BICC1: variants seen among roughly 807,000 people sequenced by gnomAD.
The protein encoded by BICC1 is BicC family RNA binding protein 1.
Under a neutral mutation model 111.0 loss-of-function variants are expected in BICC1, and 43 were observed. The ratio of observed to expected loss-of-function variants is 0.39; its 90% CI spans 0.30 to 0.50. BICC1 has a LOEUF of 0.50. Ranked by LOEUF, BICC1 falls within the 20% of genes least tolerant of loss-of-function variation. The probability of loss-of-function intolerance (pLI) is 0.88; values close to 1 mark genes in which losing one functional copy is unlikely to be tolerated. For missense variants in BICC1, 1,091 were observed against 1,203.2 expected, an observed-to-expected ratio of 0.91 and a Z score of 1.38; for synonymous variants, 467 against 434.4, an observed-to-expected ratio of 1.07 and a Z score of -0.93.
intron 11 of BICC1, 32 bp from the exon 12 acceptor site, chr10:58,799,024 C>T (rs1843449909): frequency 2.1e-6 from 3 of 1,416,938 alleles, no homozygotes; most frequent in South Asian, 1.5e-5. Flanking sequence ...GAGTTTCTTC[C>T]TAATATCTGT....
intron 2 of BICC1, among the ~76,000 whole-genome samples, chr10:58,659,654 C>T (rs72802431): frequency 0.04 from 6,084 of 152,084 alleles, 184 homozygotes; most frequent in Middle Eastern, 0.078. Flanking sequence ...ACACGGAACG[C>T]GCATGACACA....
At chr10:58,600,737 A>C (rs1033575197) in intron 1 of BICC1, among the ~76,000 whole-genome samples, 5 of 152,246 alleles carry the variant, frequency 3.3e-5, no homozygotes, top group African/African-American at 1.2e-4. Context: ...TGTGCAGGTA[A>C]TGAGGATGAA....
At chr10:58,789,998 C>T (rs1294605207) in intron 8 of BICC1, 65 bp downstream of exon 8, 1 of 1,547,152 alleles carries the variant, frequency 6.5e-7, no homozygotes, top group Non-Finnish European at 8.8e-7. Context: ...CATGTTTTTC[C>T]ATCCACTGTA....
intron 10 of BICC1, among the ~76,000 whole-genome samples, chr10:58,796,942 G>C (rs1025065263): frequency 2.6e-5 from 4 of 152,022 alleles, no homozygotes; most frequent in African/African-American, 9.7e-5. Context: ...GGGTGGGGAG[G>C]GGGGTGAAAA....
intron 3 of BICC1, among the ~76,000 whole-genome samples, chr10:58,738,301 C>G (rs1348380506): frequency 6.6e-6 from 1 of 151,084 alleles, no homozygotes; most frequent in African/African-American, 2.4e-5. Flanking sequence ...TCAGCTTTCT[C>G]CATAAGGCTA....
intron 3 of BICC1, among the ~76,000 whole-genome samples, chr10:58,755,680 CTTT>C (rs763759443): frequency 6.6e-6 from 1 of 151,576 alleles, no homozygotes; most frequent in Non-Finnish European, 1.5e-5. Flanking sequence ...TTTTTTTCTC[CTTT>C]TTATTTTTTT....
Position 58,753,689 on chromosome 10 carries a change from G to GACAC in BICC1, c.308-31298_308-31295dup, listed in dbSNP as rs150164617. Among the ~76,000 whole-genome samples the GACAC allele has an allele frequency of 2.6e-3, 386 of 150,164 alleles. 5 individuals are homozygous for GACAC. Among genetic ancestry groups the GACAC allele is most frequent in the African/African-American group, 8.7e-3 (359 of 41,036 alleles). On this transcript the variant is annotated intron_variant, in intron 3 of 20. Transcript: ENST00000373886. ...AGCTAAGTTGGAAAACACACACACA[G>GACAC]ACACACACACACACACAGTCTCTTT...
At chr10:58,803,301 A>ACCT in intron 15 of BICC1, 59 bp downstream of exon 15, 2 of 1,465,086 alleles carry the variant, frequency 1.4e-6, no homozygotes, top group Admixed American at 2.3e-5. Flanking sequence ...TCTGGTATGG[A>ACCT]GAATTCAGTG....
chr10:58,687,671 G>T lies in BICC1; in HGVS notation c.238-14403G>T, dbSNP rs187982676. ...CGTGGGCATGGGATCTTCCAAGCCTGGCACGGGATATAATCTCTTGGTGTG... is the reference window on the plus strand; with the variant it reads ...CGTGGGCATGGGATCTTCCAAGCCTTGCACGGGATATAATCTCTTGGTGTG... On this transcript the variant is annotated intron_variant, in intron 2 of 20. Coordinates refer to ENST00000373886, the MANE Select transcript of BICC1 (RefSeq NM_001080512.3). 4.6e-3 allele frequency among the ~76,000 whole-genome samples: 699 copies of T among 152,328 alleles called. 5 individuals carry two copies. Among genetic ancestry groups the T allele is most frequent in the African/African-American group, 0.016 (653 of 41,576 alleles).
At chr10:58,647,041 T>C (rs1379302158) in intron 2 of BICC1, among the ~76,000 whole-genome samples, 5 of 152,212 alleles carry the variant, frequency 3.3e-5, no homozygotes, top group African/African-American at 7.2e-5. Flanking sequence ...GATACTGTTA[T>C]ACATTTTGGA....
intron 1 of BICC1, among the ~76,000 whole-genome samples, chr10:58,529,803 T>C (rs1458710366): frequency 3.3e-5 from 5 of 151,904 alleles, no homozygotes; most frequent in Non-Finnish European, 7.4e-5. Context: ...CCTTCAAAAA[T>C]ATATTTACTA....
rs181014151 is a variant in BICC1 at position 58,814,931 on chromosome 10, G to T, written c.2533+945G>T. ...AAATAGACAAGATGTTGCTGAATTC[G>T]CATAAACAGGAAAAAATTAACTTAT... is the stretch of plus-strand genomic sequence containing the variant. On this transcript the variant is annotated intron_variant, in intron 18 of 20. Transcript: ENST00000373886. Among the ~76,000 whole-genome samples, 22 of 152,206 alleles carry T rather than the reference G, an allele frequency of 1.4e-4. No individual in the cohort carries two copies. In the East Asian group the frequency reaches 3.1e-3, roughly 21 times the overall value.
chr10:58,539,985 T>C (rs1842919582), intron 1 of BICC1, among the ~76,000 whole-genome samples: 1 of 151,654 alleles, frequency 6.6e-6, no homozygotes, highest in South Asian at 2.1e-4. Flanking sequence ...AACTAGAAAA[T>C]TCACAAATAT....
intron 1 of BICC1, among the ~76,000 whole-genome samples, chr10:58,541,504 G>A (rs1365529368): frequency 3.3e-5 from 5 of 151,932 alleles, no homozygotes; most frequent in East Asian, 1.9e-4. Context: ...CCAATGAGGC[G>A]AAACACTTCT....
chr10:58,714,299 GT>G (rs891251836), intron 3 of BICC1, among the ~76,000 whole-genome samples: 6 of 152,174 alleles, frequency 3.9e-5, no homozygotes, highest in African/African-American at 1.4e-4. Context: ...TTAGAATATA[GT>G]TTAGTCTGAC....
At chr10:58,695,764 A>T (rs1319535529) in intron 2 of BICC1, among the ~76,000 whole-genome samples, 1 of 152,228 alleles carries the variant, frequency 6.6e-6, no homozygotes, top group African/African-American at 2.4e-5. Flanking sequence ...TATATGGTTT[A>T]GTGAACATTG....
chr10:58,778,986 A>G (rs1842817542), intron 3 of BICC1, among the ~76,000 whole-genome samples: 1 of 152,204 alleles, frequency 6.6e-6, no homozygotes, highest in Non-Finnish European at 1.5e-5. Context: ...ATTTCTAGTC[A>G]GGCTTAATAA....
At chr10:58,770,592 A>G (rs1842597201) in intron 3 of BICC1, among the ~76,000 whole-genome samples, 1 of 152,206 alleles carries the variant, frequency 6.6e-6, no homozygotes, top group Non-Finnish European at 1.5e-5. Flanking sequence ...TACCATAAAA[A>G]AAAACACAAA....
chr10:58,751,081 A>G lies in BICC1; in HGVS notation c.308-33920A>G, dbSNP rs188090844. Among the ~76,000 whole-genome samples the G allele has an allele frequency of 6.8e-4, 103 of 152,282 alleles. 1 individual carries two copies. Among genetic ancestry groups the G allele is most frequent in the African/African-American group, 2.3e-3 (96 of 41,570 alleles). ...AGTGGGTTTGAAACAGAAGATGCAC[A>G]CACCCAAATCAATAGCCATAGAAGG... On this transcript the variant is annotated intron_variant, in intron 3 of 20. Coordinates refer to ENST00000373886, the MANE Select transcript of BICC1 (RefSeq NM_001080512.3).
Sources: gnomAD v4.1 joint callset for allele counts (sites outside exome capture counted in the v4.1 genomes callset) on GRCh38, gnomAD v4.1.1 for gene constraint, MANE v1.5 for transcripts, NCBI Gene and HGNC (gene_info 2026-07-23, HGNC 2026-07-21) for gene names.